Variants in CLSTN2 observed in about 807,000 individuals in gnomAD.
CLSTN2 encodes calsyntenin 2.
A neutral mutation model predicts 101.2 loss-of-function variants in CLSTN2; 48 were observed. The observed-to-expected ratio is 0.47, with a 90% CI of 0.38 to 0.60. The LOEUF (loss-of-function observed/expected upper bound fraction) is 0.60, where lower values mean the gene tolerates loss of function less well. Among genes scored for constraint, CLSTN2 ranks in the 20% least tolerant of loss-of-function variants. The pLI is 0.00. For synonymous variants in CLSTN2, 481 were observed against 463.6 expected, an observed-to-expected ratio of 1.04 and a Z score of -0.48; for missense variants, 1,160 against 1,238.2, an observed-to-expected ratio of 0.94 and a Z score of 0.95.
At chr3:139,950,183 T>G (rs1413226333) in intron 1 of CLSTN2, among the ~76,000 whole-genome samples, 1 of 152,170 alleles carries the variant, frequency 6.6e-6, no homozygotes, top group Non-Finnish European at 1.5e-5. Context: ...GATTCCCTTA[T>G]GGGAATCCAT....
At chr3:140,139,073 A>G (rs543880817) in intron 1 of CLSTN2, among the ~76,000 whole-genome samples, 70 of 152,342 alleles carry the variant, frequency 4.6e-4, no homozygotes, top group Non-Finnish European at 9.8e-4. Flanking sequence ...CTCTGGCAGC[A>G]TGATTGCTAA....
intron 2 of CLSTN2, among the ~76,000 whole-genome samples, chr3:140,349,827 G>A (rs924183876): frequency 5.3e-5 from 8 of 152,140 alleles, no homozygotes; most frequent in African/African-American, 1.9e-4. Context: ...TTGCTAGCAT[G>A]GAGTGAGCAC....
At chr3:140,480,076 A>G (rs1388613669) in intron 8 of CLSTN2, among the ~76,000 whole-genome samples, 2 of 151,902 alleles carry the variant, frequency 1.3e-5, no homozygotes, top group Non-Finnish European at 2.9e-5. Flanking sequence ...AGCATTAGGT[A>G]TATCTCCTAA....
intron 2 of CLSTN2, among the ~76,000 whole-genome samples, chr3:140,289,862 A>C (rs2086932474): frequency 6.6e-6 from 1 of 151,730 alleles, no homozygotes; most frequent in Admixed American, 6.6e-5. Flanking sequence ...CAAAATATAA[A>C]ATTTTATAAG....
At chr3:140,549,692 A>C (rs572736969) in intron 10 of CLSTN2, among the ~76,000 whole-genome samples, 1 of 148,434 alleles carries the variant, frequency 6.7e-6, no homozygotes, top group East Asian at 2.0e-4. Flanking sequence ...GAAAATCATT[A>C]AAACAAATTT....
chr3:140,117,003 G>T (rs1553799471), intron 1 of CLSTN2, among the ~76,000 whole-genome samples: 1 of 152,124 alleles, frequency 6.6e-6, no homozygotes, highest in Non-Finnish European at 1.5e-5. Context: ...ATATTCTGGA[G>T]CCCCCCTTTC....
At position 140,215,366 on chromosome 3, in the gene CLSTN2, G is replaced by T. The variant is rs2010907376; in HGVS notation, c.232+39293G>T. Reference sequence around the variant, plus strand: ...TTCTTTGGAATAAAACAGTTTCTTTGGTAAAACATAAAGAGCACATAGAAC... The same window carrying T: ...TTCTTTGGAATAAAACAGTTTCTTTTGTAAAACATAAAGAGCACATAGAAC... On this transcript the variant is annotated intron_variant, in intron 2 of 16. Transcript: ENST00000458420. Among the ~76,000 whole-genome samples the T allele has an allele frequency of 2.0e-5, 3 of 152,106 alleles. No homozygotes were observed. In the South Asian group the frequency reaches 6.2e-4, roughly 32 times the overall value.
At chr3:140,443,320 A>G (rs755825732) in intron 5 of CLSTN2, among the ~76,000 whole-genome samples, 1 of 152,212 alleles carries the variant, frequency 6.6e-6, no homozygotes, top group Non-Finnish European at 1.5e-5. Flanking sequence ...AATGGACGGA[A>G]CGTCTTAGAT....
intron 1 of CLSTN2, among the ~76,000 whole-genome samples, chr3:140,118,341 A>C (rs77960992): frequency 6.6e-6 from 1 of 152,176 alleles, no homozygotes; most frequent in Non-Finnish European, 1.5e-5. Flanking sequence ...ATTGAAAGAC[A>C]AAAGAAAAGT....
chr3:140,196,976 G>C (rs1418046791), intron 2 of CLSTN2, among the ~76,000 whole-genome samples: 1 of 152,162 alleles, frequency 6.6e-6, no homozygotes, highest in African/African-American at 2.4e-5. Context: ...TACTCAGCTA[G>C]GAAAAGGATG....
intron 2 of CLSTN2, among the ~76,000 whole-genome samples, chr3:140,219,233 G>T (rs1461290989): frequency 6.6e-6 from 1 of 151,990 alleles, no homozygotes; most frequent in African/African-American, 2.4e-5. Flanking sequence ...ATAAAGAGTA[G>T]GGAAGAGGGT....
intron 2 of CLSTN2, among the ~76,000 whole-genome samples, chr3:140,391,670 T>G (rs1311826004): frequency 6.6e-6 from 1 of 151,852 alleles, no homozygotes; most frequent in Non-Finnish European, 1.5e-5. Context: ...CAATATTAAG[T>G]TTTTTTAAGA....
chr3:140,350,244 T>C (rs2087591108), intron 2 of CLSTN2, among the ~76,000 whole-genome samples: 1 of 152,228 alleles, frequency 6.6e-6, no homozygotes, highest in African/African-American at 2.4e-5. Context: ...CCAAGAACAC[T>C]ACCTGCCAGA....
chr3:140,363,760 G>A (rs969782768), intron 2 of CLSTN2, among the ~76,000 whole-genome samples: 3 of 152,164 alleles, frequency 2.0e-5, no homozygotes, highest in Non-Finnish European at 4.4e-5. Context: ...TAAGCTTGAG[G>A]GTAACAAGAT....
chr3:140,105,588 TTA>T (rs1252876714), intron 1 of CLSTN2, among the ~76,000 whole-genome samples: 1 of 152,188 alleles, frequency 6.6e-6, no homozygotes, highest in Non-Finnish European at 1.5e-5. Context: ...GGGAAAATAT[TTA>T]CTAAGCATCT....
At chr3:140,127,877 T>C (rs1269987763) in intron 1 of CLSTN2, among the ~76,000 whole-genome samples, 1 of 152,192 alleles carries the variant, frequency 6.6e-6, no homozygotes, top group African/African-American at 2.4e-5. Context: ...TCTAGAATTC[T>C]TGTGTTTCAT....
chr3:140,356,798 A>C (rs1421798666), intron 2 of CLSTN2, among the ~76,000 whole-genome samples: 1 of 151,908 alleles, frequency 6.6e-6, no homozygotes, highest in Admixed American at 6.6e-5. Context: ...CCAAACATAC[A>C]GAACATACAG....
At chr3:140,302,160 G>A (rs1342027635) in intron 2 of CLSTN2, among the ~76,000 whole-genome samples, 1 of 152,132 alleles carries the variant, frequency 6.6e-6, no homozygotes, top group African/African-American at 2.4e-5. Context: ...GCTTGGTTGG[G>A]TTTTGCTAGT....
chr3:139,972,346 A>G (rs2107819504), intron 1 of CLSTN2, among the ~76,000 whole-genome samples: 1 of 152,188 alleles, frequency 6.6e-6, no homozygotes, highest in African/African-American at 2.4e-5. Context: ...CAGGCATCCT[A>G]AAAGTATTTC....
Sources: gnomAD v4.1 joint callset for allele counts (sites outside exome capture counted in the v4.1 genomes callset) on GRCh38, gnomAD v4.1.1 for gene constraint, MANE v1.5 for transcripts, NCBI Gene and HGNC (gene_info 2026-07-23, HGNC 2026-07-21) for gene names.